Variants in MAPK14 observed in about 807,000 individuals in gnomAD.
MAPK14 encodes the protein mitogen-activated protein kinase 14.
A neutral mutation model predicts 49.6 loss-of-function variants in MAPK14; 16 were observed. The ratio of observed to expected loss-of-function variants is 0.32; its 90% CI spans 0.22 to 0.49. MAPK14 has a LOEUF of 0.49. Among genes scored for constraint, MAPK14 ranks in the 20% least tolerant of loss-of-function variants. The pLI, the probability that MAPK14 is intolerant of heterozygous loss-of-function variation, is 0.99. For missense variants in MAPK14, 200 were observed against 441.2 expected (o/e 0.45, Z 4.90); for synonymous variants, 142 against 158.0 (o/e 0.90, Z 0.76).
At chr6:36,088,107 A>G (rs1181087092) in intron 8 of MAPK14, among the ~76,000 whole-genome samples, 1 of 152,146 alleles carries the variant, frequency 6.6e-6, no homozygotes, top group African/African-American at 2.4e-5. Context: ...CCTTCCTTAC[A>G]CCTTATACAA....
chr6:36,059,739 A>G (rs1763734068), intron 3 of MAPK14, among the ~76,000 whole-genome samples: 1 of 152,134 alleles, frequency 6.6e-6, no homozygotes, highest in Non-Finnish European at 1.5e-5. Flanking sequence ...GCTGGACTCA[A>G]GCTCCTGGGC....
intron 1 of MAPK14, among the ~76,000 whole-genome samples, chr6:36,038,441 T>G (rs1357781945): frequency 6.6e-6 from 1 of 152,142 alleles, no homozygotes; most frequent in Non-Finnish European, 1.5e-5. Context: ...TTATTTGCCT[T>G]TGTACAGACT....
intron 1 of MAPK14, among the ~76,000 whole-genome samples, chr6:36,036,751 A>AT (rs1260765946): frequency 6.6e-6 from 1 of 151,688 alleles, no homozygotes; most frequent in Non-Finnish European, 1.5e-5. Context: ...TTATTTATTT[A>AT]TTTTTTCTAG....
chr6:36,030,269 T>C (rs1456762853), intron 1 of MAPK14, among the ~76,000 whole-genome samples: 1 of 152,208 alleles, frequency 6.6e-6, no homozygotes, highest in East Asian at 1.9e-4. Flanking sequence ...ACTCCACAGT[T>C]CTTTAGTGGT....
At chr6:36,070,233 C>T (rs558084027) in intron 3 of MAPK14, among the ~76,000 whole-genome samples, 2 of 152,216 alleles carry the variant, frequency 1.3e-5, no homozygotes, top group Admixed American at 6.5e-5. Context: ...AAGGTCATTC[C>T]CTTGATGTAA....
intron 3 of MAPK14, among the ~76,000 whole-genome samples, chr6:36,069,432 T>C (rs1764183756): frequency 6.6e-6 from 1 of 152,298 alleles, no homozygotes; most frequent in African/African-American, 2.4e-5. Context: ...CATGGATTGG[T>C]CTTTGGGCCT....
intron 8 of MAPK14, chr6:36,092,462 C>A: frequency 1.5e-6 from 1 of 645,682 alleles, no homozygotes; most frequent in Non-Finnish European, 2.9e-6. Flanking sequence ...CAGGGATGAC[C>A]GCTACATCAT....
chr6:36,107,705 A>G lies in MAPK14; in HGVS notation c.1015+77A>G. 1 of 1,101,042 alleles carries G rather than the reference A, an allele frequency of 9.1e-7. No individual in the cohort carries two copies. Among genetic ancestry groups the G allele is most frequent in the South Asian group, 2.0e-5 (1 of 49,422 alleles). The allele number at this position is 1,101,042 out of a possible 1,614,324, so 68.2% of individuals were successfully genotyped here. A position where few individuals can be genotyped will look rare whatever the true frequency, so the allele number is the denominator to read the frequency against. On this transcript the variant is annotated intron_variant, in intron 11 of 11. Coordinates refer to ENST00000229794, the MANE Select transcript of MAPK14 (RefSeq NM_139012.3). The surrounding 1 kb of genome is among the most constrained non-coding windows in gnomAD (Gnocchi z 4.3). Reference sequence around the variant, plus strand: ...GGAAAAATAAAAACTGAATGGTCATAACCAACTTGCTAAAGCTTGTAGATG... The same window carrying G: ...GGAAAAATAAAAACTGAATGGTCATGACCAACTTGCTAAAGCTTGTAGATG...
At chr6:36,111,537 C>T (rs1020498605), downstream of MAPK14, among the ~76,000 whole-genome samples, 2 of 152,068 alleles carry the variant, frequency 1.3e-5, no homozygotes, top group African/African-American at 4.8e-5. Flanking sequence ...AGCTTTTAGG[C>T]GAATGTATTT....
chr6:36,103,115 C>T (rs1334021271), intron 10 of MAPK14, among the ~76,000 whole-genome samples: 1 of 152,072 alleles, frequency 6.6e-6, no homozygotes, highest in Admixed American at 6.5e-5. Context: ...CAGATCCTGT[C>T]GTCTTCCACA....
chr6:36,029,408 C>G (rs1442009811), intron 1 of MAPK14, among the ~76,000 whole-genome samples: 2 of 152,182 alleles, frequency 1.3e-5, no homozygotes, highest in African/African-American at 2.4e-5. Context: ...TCACTAACTG[C>G]TCTCTTAACT....
chr6:36,085,152 C>T (rs1258806714), intron 8 of MAPK14, among the ~76,000 whole-genome samples: 3 of 152,194 alleles, frequency 2.0e-5, no homozygotes, highest in Non-Finnish European at 4.4e-5. Flanking sequence ...GCCTGTCTTG[C>T]AAGAGCTCCT....
At chr6:36,068,412 G>A (rs144087714) in intron 3 of MAPK14, among the ~76,000 whole-genome samples, 2 of 152,106 alleles carry the variant, frequency 1.3e-5, no homozygotes, top group Admixed American at 1.3e-4. Flanking sequence ...GGAAAGGAGT[G>A]CCCTGATCTG....
chr6:36,098,231 G>A (rs1765513864), intron 9 of MAPK14, among the ~76,000 whole-genome samples: 2 of 152,246 alleles, frequency 1.3e-5, no homozygotes, highest in African/African-American at 4.8e-5. Flanking sequence ...CCGAGTAAGA[G>A]AATGCAGTAA....
intron 2 of MAPK14, among the ~76,000 whole-genome samples, chr6:36,055,786 A>G (rs890520318): frequency 1.3e-5 from 2 of 151,882 alleles, no homozygotes; most frequent in Non-Finnish European, 2.9e-5. Context: ...TTAAAAAAAA[A>G]AAAAAGAAAT....
chr6:36,042,491 T>C (rs921121551), intron 1 of MAPK14, among the ~76,000 whole-genome samples: 2 of 149,316 alleles, frequency 1.3e-5, no homozygotes, highest in Admixed American at 6.7e-5. Context: ...TTTTTTTTTT[T>C]TTTTTTGGCT....
chr6:36,108,324 C>T, intron 11 of MAPK14, 56 bp from the exon 12 acceptor site: 1 of 1,344,156 alleles, frequency 7.4e-7, no homozygotes, highest in South Asian at 1.2e-5. Context: ...AGAGTGCTTG[C>T]CAGCAAAGAG....
intron 10 of MAPK14, among the ~76,000 whole-genome samples, chr6:36,105,451 G>A (rs368595425): frequency 6.6e-6 from 1 of 152,078 alleles, no homozygotes; most frequent in East Asian, 1.9e-4. Context: ...GACCTTATTG[G>A]TTATAAGAAC....
In MAPK14 at chr6:36,065,436, A is replaced by G. The variant is rs761571681; in HGVS notation, c.305+6089A>G. On this transcript the variant is annotated intron_variant, in intron 3 of 11. Transcript: ENST00000229794. ...GTATACACAGAGGGCTTAACGGATGAAGGAGAGTTGGAAAGGTGGGGAAAG... is the reference window on the plus strand; with the variant it reads ...GTATACACAGAGGGCTTAACGGATGGAGGAGAGTTGGAAAGGTGGGGAAAG... Among the ~76,000 whole-genome samples, 9 of 151,558 alleles carry G rather than the reference A, an allele frequency of 5.9e-5. 1 individual carries two copies. The highest frequency in any genetic ancestry group is 2.1e-4 in the South Asian group (1 of 4,790).
Sources: allele counts gnomAD v4.1 joint callset (sites outside exome capture counted in the v4.1 genomes callset), GRCh38; gene constraint gnomAD v4.1.1; non-coding constraint Gnocchi (gnomAD v3.1); transcripts MANE v1.5; gene names NCBI Gene and HGNC (gene_info 2026-07-23, HGNC 2026-07-21).